Variants in DHX33 observed in about 807,000 individuals in gnomAD.
DHX33 encodes ATP-dependent RNA helicase DHX33.
Under a neutral mutation model 72.5 loss-of-function variants are expected in DHX33, and 42 were observed. That is an observed-to-expected ratio of 0.58 (90% CI 0.45 to 0.75). DHX33 has a LOEUF of 0.75. DHX33 is among the 30% of genes least tolerant of loss of function. The probability of loss-of-function intolerance (pLI) is 0.00; values close to 1 mark genes in which losing one functional copy is unlikely to be tolerated. For synonymous variants in DHX33, 358 were observed against 366.1 expected (o/e 0.98, Z 0.25); for missense variants, 842 against 917.5 (o/e 0.92, Z 1.06).
Position 5,444,253 on chromosome 17 carries a change from C to A in DHX33, c.2076G>T (p.Glu692Asp), listed in dbSNP as rs748848049. ...TCCTCCTAAAGTACTCAGGGGCAGCCTCGTACAGCCACTGTGCATCTATGA... is the reference window on the plus strand; with the variant it reads ...TCCTCCTAAAGTACTCAGGGGCAGCATCGTACAGCCACTGTGCATCTATGA... ...LCVIDAQWLY[E>D]AAPEYFRRKL... is the part of the protein sequence containing the mutation. The change falls in exon 12 of 12, where the codon GAG becomes GAT. Residue 692 changes from glutamate (E) to aspartate (D), a missense_variant. Transcript: ENST00000225296. This position sits in a 1 kb window ranked among gnomAD's most constrained non-coding sequence, Gnocchi z 4.9. 1.2e-6 allele frequency: 2 copies of A among 1,614,236 alleles called. No individual in the cohort carries two copies. The highest frequency in any genetic ancestry group is 1.7e-6 in the Non-Finnish European group (2 of 1,180,052).
At chr17:5,452,947 G>A (rs117924925) in intron 8 of DHX33, among the ~76,000 whole-genome samples, 1,571 of 152,204 alleles carry the variant, frequency 0.01, 12 homozygotes, top group Middle Eastern at 0.054. Context: ...AAAAGGGGGG[G>A]CAATAAAAAG....
Position 5,448,885 on chromosome 17 carries a change from T to G in DHX33, c.1739A>C (p.Lys580Thr). ...KNLGGNKDWC[K>T]ENFVNSKNMT... ...ATTCTTGCTGTTGACAAAATTCTCT[T>G]TGCACCAATCCTGAATAGGAGAAAG... Residue 580 changes from lysine to threonine, a missense_variant, in exon 11 of 12, where the codon AAA (lysine) becomes ACA (threonine). Transcript: ENST00000225296. 1 of 1,612,964 alleles carries G rather than the reference T, an allele frequency of 6.2e-7. No individual in the cohort carries two copies.
chr17:5,454,639 A>T (rs1257129876), intron 6 of DHX33, among the ~76,000 whole-genome samples: 2 of 152,196 alleles, frequency 1.3e-5, no homozygotes, highest in Non-Finnish European at 2.9e-5. Context: ...GGGAGCAATA[A>T]TTTCAGTGGT....
intron 4 of DHX33, among the ~76,000 whole-genome samples, chr17:5,457,818 C>T (rs145721298): frequency 0.012 from 1,872 of 152,120 alleles, 17 homozygotes; most frequent in Non-Finnish European, 0.021. Context: ...TTCATCAAAG[C>T]CAGTGGTAAC....
Position 5,468,716 on chromosome 17 carries a change from GCCTCCTCCT to G in DHX33, c.135_143del (p.Gly46_Gly48del). ...GGGCCAGGGGCGGCTGCTGCCTCCG[GCCTCCTCCT>G]CCTCCTCTGCCGCCGCTGCCCGCAG... On this transcript the variant is annotated inframe_deletion, in exon 1 of 12. Coordinates refer to ENST00000225296, the MANE Select transcript of DHX33 (RefSeq NM_020162.4). The G allele has an allele frequency of 6.2e-7, 1 of 1,610,620 alleles. No homozygotes were observed. The highest frequency in any genetic ancestry group is 1.3e-5 in the African/African-American group (1 of 74,988).
rs1916506244 is a variant in DHX33, at chr17:5,443,342, C to T, written c.*863G>A. 1 of 151,408 alleles carries T rather than the reference C, an allele frequency of 6.6e-6. No homozygotes were observed. Among genetic ancestry groups the T allele is most frequent in the African/African-American group, 2.4e-5 (1 of 41,148 alleles). The allele number at this position is 151,408 out of a possible 1,614,324, so 9.4% of individuals were successfully genotyped here. A position where few individuals can be genotyped will look rare whatever the true frequency, so the allele number is the denominator to read the frequency against. On this transcript the variant is annotated 3_prime_UTR_variant, in exon 12 of 12. Transcript: ENST00000225296. Reference sequence around the variant, plus strand: ...GGTGCCCAGTTAGAGAGAAAAATGGCAACTGTGTATGTGGGAGTCACCTAC... The same window carrying T: ...GGTGCCCAGTTAGAGAGAAAAATGGTAACTGTGTATGTGGGAGTCACCTAC...
intron 8 of DHX33, among the ~76,000 whole-genome samples, chr17:5,452,816 G>C (rs1408587475): frequency 2.6e-5 from 4 of 152,222 alleles, no homozygotes; most frequent in Non-Finnish European, 4.4e-5. Flanking sequence ...AATGGTTCCA[G>C]TGGTTGTTCT....
intron 8 of DHX33, among the ~76,000 whole-genome samples, chr17:5,451,519 A>G (rs1014196218): frequency 6.6e-6 from 1 of 152,220 alleles, no homozygotes; most frequent in Non-Finnish European, 1.5e-5. Context: ...TTTCACCTGC[A>G]GATACACATC....
Position 5,455,974 on chromosome 17 carries a change from G to A in DHX33, c.1035+23C>T, listed in dbSNP as rs765052069. The A allele has an allele frequency of 3.1e-6, 5 of 1,605,576 alleles. No individual in the cohort carries two copies. In the South Asian group the frequency reaches 3.3e-5, roughly 11 times the overall value. On this transcript the variant is annotated intron_variant, in intron 5 of 11. Transcript: ENST00000225296. ...CGTCTGGGTGCCCAGAATAGGGCTG[G>A]ACAGAAGAGGTGGTGCACTCACCTT...
chr17:5,450,701 T>G (rs1321347304), intron 9 of DHX33, 106 bp downstream of exon 9: 17 of 1,498,578 alleles, frequency 1.1e-5, no homozygotes, highest in Non-Finnish European at 1.5e-5. Context: ...GGTAATTATG[T>G]AAGAGAAAAA....
chr17:5,441,354 A>G lies in DHX33; in HGVS notation c.*2851T>C, dbSNP rs534203128. 1 of 152,290 alleles carries G rather than the reference A, an allele frequency of 6.6e-6. No homozygotes were observed. The highest frequency in any genetic ancestry group is 2.4e-5 in the African/African-American group (1 of 41,576). 9.4% of individuals were successfully genotyped at this position (152,290 alleles called of 1,614,324 possible). Reference sequence around the variant, plus strand: ...TGTTACTCTGGGTGTTGCACACTCCATGATTACTAGAAGACAAACACCTGA... The same window carrying G: ...TGTTACTCTGGGTGTTGCACACTCCGTGATTACTAGAAGACAAACACCTGA... On this transcript the variant is annotated 3_prime_UTR_variant, in exon 12 of 12. Transcript: ENST00000225296.
intron 3 of DHX33, among the ~76,000 whole-genome samples, chr17:5,461,737 C>T (rs1014342656): frequency 6.6e-6 from 1 of 151,208 alleles, no homozygotes; most frequent in Non-Finnish European, 1.5e-5. Context: ...TTAGTAGAGA[C>T]GGGGTTTCAC....
intron 11 of DHX33, among the ~76,000 whole-genome samples, chr17:5,446,924 GCTA>G (rs1224604405): frequency 6.6e-6 from 1 of 152,180 alleles, no homozygotes; most frequent in Non-Finnish European, 1.5e-5. Context: ...AATACAATAG[GCTA>G]CTATGAGAAG....
chr17:5,464,263 G>A (rs529973111), intron 1 of DHX33, among the ~76,000 whole-genome samples: 9 of 152,294 alleles, frequency 5.9e-5, no homozygotes, highest in Admixed American at 2.6e-4. Context: ...CTGAGAGGTT[G>A]AGGCTGCAGT....
intron 8 of DHX33, among the ~76,000 whole-genome samples, chr17:5,452,924 T>C (rs1567599368): frequency 6.6e-6 from 1 of 152,022 alleles, no homozygotes; most frequent in African/African-American, 2.4e-5. Context: ...TTAAACCAAT[T>C]GCATTTCTTA....
chr17:5,463,486 T>G (rs748457655), intron 2 of DHX33, 43 bp downstream of exon 2: 1 of 1,593,610 alleles, frequency 6.3e-7, no homozygotes, highest in Admixed American at 1.7e-5. Context: ...GGGAGAGAGC[T>G]GTTGAGTCAA....
intron 1 of DHX33, among the ~76,000 whole-genome samples, chr17:5,464,540 T>TCCCTTGAC (rs1343033393): frequency 1.1e-4 from 16 of 152,094 alleles, no homozygotes; most frequent in Non-Finnish European, 1.9e-4. Flanking sequence ...AATGTTTATA[T>TCCCTTGAC]CCCTTGACCC....
intron 3 of DHX33, chr17:5,461,327 A>C (rs1567603055): frequency 8.7e-6 from 3 of 344,194 alleles, no homozygotes; most frequent in Non-Finnish European, 1.5e-5. Context: ...TTTGAGATGG[A>C]GTTTCACCGG....
In DHX33 at chr17:5,440,991, T is replaced by C. The variant is rs1412736978; in HGVS notation, c.*3214A>G. On this transcript the variant is annotated 3_prime_UTR_variant, in exon 12 of 12. Transcript: ENST00000225296. Reference sequence around the variant, plus strand: ...TTATTTACAAGAGCTTTCTGTAGAGTTATTTCTGTTCAAATAAAACCAGAC... The same window carrying C: ...TTATTTACAAGAGCTTTCTGTAGAGCTATTTCTGTTCAAATAAAACCAGAC... The C allele has an allele frequency of 6.6e-6, 1 of 152,156 alleles. No individual in the cohort carries two copies. Among genetic ancestry groups the C allele is most frequent in the Non-Finnish European group, 1.5e-5 (1 of 68,030 alleles). The allele number at this position is 152,156 out of a possible 1,614,324, so 9.4% of individuals were successfully genotyped here.
Sources: allele counts gnomAD v4.1 joint callset (sites outside exome capture counted in the v4.1 genomes callset), GRCh38; gene constraint gnomAD v4.1.1; non-coding constraint Gnocchi (gnomAD v3.1); transcripts MANE v1.5; gene names NCBI Gene and HGNC (gene_info 2026-07-23, HGNC 2026-07-21).